The following SHC3 variants were observed in gnomAD, a reference collection of about 807,000 sequenced individuals.
SHC3 encodes SHC-transforming protein 3.
A neutral mutation model predicts 60.4 loss-of-function variants in SHC3; 15 were observed. That is an observed-to-expected ratio of 0.25 (90% CI 0.17 to 0.38). The LOEUF (loss-of-function observed/expected upper bound fraction) is 0.38. SHC3 is among the 10% of genes least tolerant of loss of function. The probability of loss-of-function intolerance (pLI) is 1.00; values close to 1 mark genes in which losing one functional copy is unlikely to be tolerated. For missense variants in SHC3, 677 were observed against 786.1 expected, an observed-to-expected ratio of 0.86 and a Z score of 1.66; for synonymous variants, 294 against 325.9, an observed-to-expected ratio of 0.90 and a Z score of 1.05.
intron 1 of SHC3, among the ~76,000 whole-genome samples, chr9:89,125,677 T>C (rs1006987621): frequency 1.3e-5 from 2 of 152,168 alleles, no homozygotes; most frequent in Admixed American, 1.3e-4. Flanking sequence ...AAAACCAAGA[T>C]GGTGATGAGA....
intron 1 of SHC3, among the ~76,000 whole-genome samples, chr9:89,142,052 C>T (rs1826401277): frequency 6.6e-6 from 1 of 152,120 alleles, no homozygotes; most frequent in African/African-American, 2.4e-5. Context: ...CTGTACATGC[C>T]TAATTCTGTC....
At chr9:89,160,590 T>C (rs1027964163) in intron 1 of SHC3, among the ~76,000 whole-genome samples, 1 of 152,212 alleles carries the variant, frequency 6.6e-6, no homozygotes, top group African/African-American at 2.4e-5. Flanking sequence ...CATGTAATTT[T>C]AATTAGAGGT....
At chr9:89,118,306 A>T (rs920207181) in intron 1 of SHC3, among the ~76,000 whole-genome samples, 2 of 151,718 alleles carry the variant, frequency 1.3e-5, no homozygotes, top group East Asian at 3.9e-4. Context: ...CCAGAGATAC[A>T]CAAAACTGGA....
At chr9:89,077,195 A>C (rs6559340) in intron 3 of SHC3, among the ~76,000 whole-genome samples, 11,255 of 151,660 alleles carry the variant, frequency 0.074, 1,343 homozygotes, top group African/African-American at 0.26. Flanking sequence ...AAAAAAAAAA[A>C]CAAAAAAAAA....
chr9:89,174,933 C>T (rs1241727927), intron 1 of SHC3, among the ~76,000 whole-genome samples: 1 of 152,242 alleles, frequency 6.6e-6, no homozygotes, highest in Non-Finnish European at 1.5e-5. Context: ...AGGATATTGC[C>T]TTTTGAACCT....
chr9:89,147,772 G>A (rs144330802), intron 1 of SHC3, among the ~76,000 whole-genome samples: 1 of 151,934 alleles, frequency 6.6e-6, no homozygotes, highest in Non-Finnish European at 1.5e-5. Context: ...AAAGCTTTAA[G>A]GCTCTCTGGT....
At chr9:89,159,048 A>T (rs1359811485) in intron 1 of SHC3, among the ~76,000 whole-genome samples, 1 of 152,178 alleles carries the variant, frequency 6.6e-6, no homozygotes, top group African/African-American at 2.4e-5. Flanking sequence ...ATGAGTCTGT[A>T]TTAGGCCTTT....
chr9:89,100,793 C>T (rs1825771854), intron 2 of SHC3, among the ~76,000 whole-genome samples: 1 of 152,126 alleles, frequency 6.6e-6, no homozygotes, highest in Non-Finnish European at 1.5e-5. Context: ...GAGATCCATC[C>T]ACATTGTTGT....
rs540788767 is a variant in SHC3, at chr9:89,027,327, A to ATTTTTTTTTTTTTTT, written c.1656+10665_1656+10666insAAAAAAAAAAAAAAA. ...ACAACTAGTGATGGGTGAAATTCTG[A>ATTTTTTTTTTTTTTT]TTTTTTTTTTTTGAGACTGAGTCTC... On this transcript the variant is annotated intron_variant, in intron 11 of 11. Coordinates refer to ENST00000375835, the MANE Select transcript of SHC3 (RefSeq NM_016848.6). 2.0e-3 allele frequency among the ~76,000 whole-genome samples: 261 copies of ATTTTTTTTTTTTTTT among 130,306 alleles called. 22 individuals are homozygous for ATTTTTTTTTTTTTTT. Among genetic ancestry groups the ATTTTTTTTTTTTTTT allele is most frequent in the African/African-American group, 7.6e-3 (242 of 31,758 alleles). The allele number at this position is 130,306 out of a possible 152,430, so 85.5% of individuals were successfully genotyped here.
intron 2 of SHC3, among the ~76,000 whole-genome samples, chr9:89,102,597 G>GT (rs968761607): frequency 1.0e-3 from 155 of 152,018 alleles, no homozygotes; most frequent in African/African-American, 3.6e-3. Context: ...TAATTGGCAG[G>GT]TTTTTTTTGT....
At chr9:89,096,294 G>A (rs900983882) in intron 2 of SHC3, among the ~76,000 whole-genome samples, 12 of 152,194 alleles carry the variant, frequency 7.9e-5, no homozygotes, top group Non-Finnish European at 1.5e-4. Context: ...GGTTCCAGGA[G>A]CCCAGAGACA....
intron 1 of SHC3, 53 bp from the exon 2 acceptor site, chr9:89,112,679 C>T (rs1200139784): frequency 6.6e-7 from 1 of 1,506,648 alleles, no homozygotes; most frequent in East Asian, 2.4e-5. Flanking sequence ...GATAAAGAGA[C>T]AACTCCTAAC....
At chr9:89,162,928 G>A (rs1450067413) in intron 1 of SHC3, among the ~76,000 whole-genome samples, 5 of 137,532 alleles carry the variant, frequency 3.6e-5, no homozygotes, top group Admixed American at 3.0e-4. Context: ...CAAAAAGTGG[G>A]CGAAGGACAT....
At chr9:89,016,168 A>C (rs1415402514) in intron 11 of SHC3, among the ~76,000 whole-genome samples, 2 of 152,094 alleles carry the variant, frequency 1.3e-5, no homozygotes, top group Non-Finnish European at 2.9e-5. Flanking sequence ...CCAGGCTAAG[A>C]AAAAAAGATT....
chr9:89,110,808 C>T (rs1168764936), intron 2 of SHC3, among the ~76,000 whole-genome samples: 1 of 152,108 alleles, frequency 6.6e-6, no homozygotes, highest in Non-Finnish European at 1.5e-5. Flanking sequence ...CTTCACCTTC[C>T]CAAAAATCTA....
At position 89,008,802 on chromosome 9, in the gene SHC3, T is replaced by A. The variant is rs1564069189; in HGVS notation, c.*4645A>T. On this transcript the variant is annotated 3_prime_UTR_variant, in exon 12 of 12. Coordinates refer to ENST00000375835, the MANE Select transcript of SHC3 (RefSeq NM_016848.6). ...GTCTCTCGGGGTTCCCCGGTGGGATTCAGCTCCAGTTGTGCACATGACGGT... is the reference window on the plus strand; with the variant it reads ...GTCTCTCGGGGTTCCCCGGTGGGATACAGCTCCAGTTGTGCACATGACGGT... The A allele has an allele frequency of 6.6e-6, 1 of 152,204 alleles. No individual in the cohort carries two copies. Among genetic ancestry groups the A allele is most frequent in the Non-Finnish European group, 1.5e-5 (1 of 68,060 alleles). The allele number at this position is 152,204 out of a possible 1,614,324, so 9.4% of individuals were successfully genotyped here. A position where few individuals can be genotyped will look rare whatever the true frequency, so the allele number is the denominator to read the frequency against.
chr9:89,154,124 G>C (rs1471644097), intron 1 of SHC3, among the ~76,000 whole-genome samples: 1 of 152,126 alleles, frequency 6.6e-6, no homozygotes, highest in Non-Finnish European at 1.5e-5. Flanking sequence ...TGGAATAGTG[G>C]TTACCCCTGG....
At chr9:89,095,701 G>C (rs1249168041) in intron 2 of SHC3, among the ~76,000 whole-genome samples, 1 of 151,958 alleles carries the variant, frequency 6.6e-6, no homozygotes, top group Non-Finnish European at 1.5e-5. Flanking sequence ...TGAGAGCTAT[G>C]GGCACAGTCA....
At chr9:89,035,562 C>T (rs762564800) in intron 11 of SHC3, among the ~76,000 whole-genome samples, 3 of 152,000 alleles carry the variant, frequency 2.0e-5, no homozygotes, top group South Asian at 2.1e-4. Context: ...ATGCAAGGAA[C>T]TTAGTATGTT....
Sources: gnomAD v4.1 joint callset for allele counts (sites outside exome capture counted in the v4.1 genomes callset) on GRCh38, gnomAD v4.1.1 for gene constraint, MANE v1.5 for transcripts, NCBI Gene and HGNC (gene_info 2026-07-23, HGNC 2026-07-21) for gene names.